The following CCL14 variants were observed in gnomAD, a reference collection of about 807,000 sequenced individuals.
CCL14 encodes C-C motif chemokine 14.
In CCL14, 8 loss-of-function variants were observed where a neutral mutation model predicts 8.2. The observed-to-expected ratio is 0.98, with a 90% CI of 0.57 to 1.76. The LOEUF is 1.76. Ranked by LOEUF, CCL14 falls within the 40% of genes most tolerant of loss-of-function variation. The pLI is 0.00. For synonymous variants in CCL14, 50 were observed against 43.2 expected, an observed-to-expected ratio of 1.16 and a Z score of -0.62; for missense variants, 127 against 118.3, an observed-to-expected ratio of 1.07 and a Z score of -0.34.
chr17:35,985,849 T>G, intron 1 of CCL14: 14 of 1,384,312 alleles, frequency 1.0e-5, no homozygotes, highest in Non-Finnish European at 1.3e-5. Flanking sequence ...TGGTTATCTC[T>G]AAAGGCAGCT....
In CCL14 at chr17:35,986,670, G is replaced by A. The variant is rs2089778561; in HGVS notation, c.-21C>T. The A allele has an allele frequency of 1.2e-6, 2 of 1,600,884 alleles. No homozygotes were observed. The highest frequency in any genetic ancestry group is 1.7e-6 in the Non-Finnish European group (2 of 1,168,220). On this transcript the variant is annotated 5_prime_UTR_variant, in exon 1 of 3. Transcript: ENST00000618404. ...TTCATGCTGTGGGAAGCTGTTGTGGGAGGAGAGCTGGCCTGGTGGGAGCTT... is the reference window on the plus strand; with the variant it reads ...TTCATGCTGTGGGAAGCTGTTGTGGAAGGAGAGCTGGCCTGGTGGGAGCTT...
intron 2 of CCL14, 34 bp downstream of exon 2, chr17:35,984,304 T>A: frequency 6.7e-7 from 1 of 1,497,648 alleles, no homozygotes; most frequent in Non-Finnish European, 9.3e-7. Context: ...GCTGGCTCCC[T>A]CTCCCCCCAG....
chr17:35,983,778 C>T lies in CCL14; in HGVS notation c.*23G>A, dbSNP rs1568455129. 6.4e-7 allele frequency: 1 copy of T among 1,561,812 alleles called. No homozygotes were observed. Among genetic ancestry groups the T allele is most frequent in the East Asian group, 2.2e-5 (1 of 44,562 alleles). On this transcript the variant is annotated 3_prime_UTR_variant, in exon 3 of 3. Transcript: ENST00000618404. ...TTCTCTTTATGTCTCTGAGCTGTGCCTTCGCCACCCCTTCTGGGTCACTCA... is the reference window on the plus strand; with the variant it reads ...TTCTCTTTATGTCTCTGAGCTGTGCTTTCGCCACCCCTTCTGGGTCACTCA...
chr17:35,984,498 G>T, intron 1 of CCL14, 46 bp from the exon 2 acceptor site: 1 of 1,256,554 alleles, frequency 8.0e-7, no homozygotes, highest in Non-Finnish European at 1.2e-6. Flanking sequence ...CTTGTTAAAG[G>T]CCATACCATT....
In CCL14 at chr17:35,986,653, G is replaced by C. The variant is rs377492493; in HGVS notation, c.-4C>G. On this transcript the variant is annotated 5_prime_UTR_variant, in exon 1 of 3. Coordinates refer to ENST00000618404, the MANE Select transcript of CCL14 (RefSeq NM_032963.4). ...TGGCAGCCACGGAGATCTTCATGCT[G>C]TGGGAAGCTGTTGTGGGAGGAGAGC... 1 of 1,613,162 alleles carries C rather than the reference G, an allele frequency of 6.2e-7. No homozygotes were observed. Among genetic ancestry groups the C allele is most frequent in the South Asian group, 1.1e-5 (1 of 91,054 alleles).
chr17:35,986,656 G>A lies in CCL14; in HGVS notation c.-7C>T, dbSNP rs770936645. 9 of 1,612,926 alleles carry A rather than the reference G, an allele frequency of 5.6e-6. No individual in the cohort carries two copies. In the African/African-American group the frequency reaches 8.0e-5, roughly 14 times the overall value. ...CAGCCACGGAGATCTTCATGCTGTG[G>A]GAAGCTGTTGTGGGAGGAGAGCTGG... On this transcript the variant is annotated 5_prime_UTR_variant, in exon 1 of 3. Coordinates refer to ENST00000618404, the MANE Select transcript of CCL14 (RefSeq NM_032963.4).
At chr17:35,985,980 C>A (rs2089761375) in intron 1 of CCL14, 1 of 585,152 alleles carries the variant, frequency 1.7e-6, no homozygotes, top group Non-Finnish European at 3.0e-6. Context: ...TGGAAGCAGG[C>A]TGGGCCCAAA....
At chr17:35,985,920 C>T in intron 1 of CCL14, 4 of 770,760 alleles carry the variant, frequency 5.2e-6, no homozygotes, top group Non-Finnish European at 8.6e-6. Flanking sequence ...GTCGTGTTTC[C>T]CCCCAGCCCA....
chr17:35,984,399 G>T lies in CCL14; in HGVS notation c.133C>A (p.Pro45Thr), dbSNP rs1302825955. ...TAGTAATCCATAATCCGCTGACGCGGGATCTTGTAGGTAGTGTAGGTGAAG... is the reference window on the plus strand; with the variant it reads ...TAGTAATCCATAATCCGCTGACGCGTGATCTTGTAGGTAGTGTAGGTGAAG... Reference protein sequence around the residue: ...CCFTYTTYKIPRQRIMDYYET... With the variant: ...CCFTYTTYKITRQRIMDYYET... Residue 45 changes from proline to threonine, a missense_variant, in exon 2 of 3, where the codon CCG becomes ACG. Coordinates refer to ENST00000618404, the MANE Select transcript of CCL14 (RefSeq NM_032963.4). 1 of 1,613,806 alleles carries T rather than the reference G, an allele frequency of 6.2e-7. No individual in the cohort carries two copies. Among genetic ancestry groups the T allele is most frequent in the South Asian group, 1.1e-5 (1 of 91,070 alleles).
chr17:35,984,450 C>T lies in CCL14; in HGVS notation c.82G>A (p.Gly28Arg), dbSNP rs1033246578. Reference protein sequence around the residue: ...LGTKTESSSRGPYHPSECCFT... With the variant: ...LGTKTESSSRRPYHPSECCFT... ...CAGCACTCTGAGGGGTGGTAAGGTC[C>T]CCCTGAGGAGAGAGCATCAGATGCT... is the stretch of plus-strand genomic sequence containing the variant. The change falls in exon 2 of 3, where the codon GGA becomes AGA. Residue 28 changes from glycine (G) to arginine (R), a missense_variant and splice_region_variant. Transcript: ENST00000618404. The T allele has an allele frequency of 1.9e-6, 3 of 1,608,528 alleles. No individual in the cohort carries two copies. The highest frequency in any genetic ancestry group is 8.5e-7 in the Non-Finnish European group (1 of 1,175,904).
intron 1 of CCL14, chr17:35,985,982 G>A: frequency 5.1e-6 from 3 of 583,422 alleles, no homozygotes; most frequent in South Asian, 4.6e-5. Context: ...GAAGCAGGCT[G>A]GGCCCAAACC....
chr17:35,984,351 T>C lies in CCL14; in HGVS notation c.181A>G (p.Lys61Glu), dbSNP rs16971802. The change falls in exon 2 of 3, where the codon AAG becomes GAG. Residue 61 changes from lysine (K) to glutamate (E), a missense_variant. Coordinates refer to ENST00000618404, the MANE Select transcript of CCL14 (RefSeq NM_032963.4). ...TGTACCACCTACACAATTCCGGGCT[T>C]GGAGCACTGGCTGTTGGTCTCATAG... ...DYYETNSQCS[K>E]PGIVFITKRG... The C allele has an allele frequency of 0.051, 81,966 of 1,612,092 alleles. 2,706 individuals carry two copies. The highest frequency in any genetic ancestry group is 0.14 in the African/African-American group (10,728 of 74,936).
chr17:35,983,934 G>C, intron 2 of CCL14, 46 bp from the exon 3 acceptor site: 1 of 1,409,670 alleles, frequency 7.1e-7, no homozygotes, highest in Non-Finnish European at 1.0e-6. Context: ...GGGCCCAGTG[G>C]CCGGAAGAGA....
intron 1 of CCL14, chr17:35,984,853 A>G: frequency 5.3e-6 from 2 of 378,882 alleles, no homozygotes; most frequent in Non-Finnish European, 9.4e-6. Flanking sequence ...TAGGAGGAAT[A>G]TTTGGAAGAA....
In CCL14 at chr17:35,984,321, G is replaced by T; in HGVS notation, c.194+17C>A. ...TGGCTCCCTCTCCCCCCAGTGTGAT[G>T]TGTGTGTACCACCTACACAATTCCG... On this transcript the variant is annotated intron_variant, in intron 2 of 2. Coordinates refer to ENST00000618404, the MANE Select transcript of CCL14 (RefSeq NM_032963.4). 6.5e-7 allele frequency: 1 copy of T among 1,532,286 alleles called. No homozygotes were observed. The highest frequency in any genetic ancestry group is 9.0e-7 in the Non-Finnish European group (1 of 1,105,716). 94.9% of individuals were successfully genotyped at this position (1,532,286 alleles called of 1,614,324 possible).
intron 1 of CCL14, chr17:35,985,650 T>A: frequency 3.7e-6 from 4 of 1,067,252 alleles, no homozygotes; most frequent in Non-Finnish European, 2.8e-6. Context: ...AAGGGGCCCC[T>A]GTTTCCTGAG....
intron 1 of CCL14, 163 bp downstream of exon 1, chr17:35,986,408 G>A (rs1598737947): frequency 3.2e-6 from 2 of 631,554 alleles, no homozygotes; most frequent in East Asian, 2.7e-5. Context: ...GTGGTGCTCA[G>A]TAGATAATTC....
rs1568459135 is a variant in CCL14, at chr17:35,986,672, G to A, written c.-23C>T. 14 of 1,597,482 alleles carry A rather than the reference G, an allele frequency of 8.8e-6. No individual in the cohort carries two copies. The highest frequency in any genetic ancestry group is 1.7e-5 in the Admixed American group (1 of 59,928). ...CATGCTGTGGGAAGCTGTTGTGGGA[G>A]GAGAGCTGGCCTGGTGGGAGCTTCA... On this transcript the variant is annotated 5_prime_UTR_variant, in exon 1 of 3. Transcript: ENST00000618404.
chr17:35,984,215 TC>T, intron 2 of CCL14, 122 bp downstream of exon 2: 1 of 731,092 alleles, frequency 1.4e-6, no homozygotes, highest in Non-Finnish European at 2.4e-6. Context: ...CAGCTGCCTC[TC>T]CCCATGTAGT....
Sources: gnomAD v4.1 joint callset for allele counts on GRCh38, gnomAD v4.1.1 for gene constraint, MANE v1.5 for transcripts, NCBI Gene and HGNC (gene_info 2026-07-23, HGNC 2026-07-21) for gene names.